TMEM223: variants seen among roughly 807,000 people sequenced by gnomAD.
The protein encoded by TMEM223 is transmembrane protein 223.
Under a neutral mutation model 14.1 loss-of-function variants are expected in TMEM223, and 14 were observed. The ratio of observed to expected loss-of-function variants is 0.99; its 90% CI spans 0.66 to 1.55. The LOEUF (loss-of-function observed/expected upper bound fraction) is 1.55. Ranked by LOEUF, TMEM223 falls within the 40% of genes most tolerant of loss-of-function variation. TMEM223 has a pLI of 0.00. For synonymous variants in TMEM223, 145 were observed against 120.5 expected, an observed-to-expected ratio of 1.20 and a Z score of -1.33; for missense variants, 346 against 269.9, an observed-to-expected ratio of 1.28 and a Z score of -1.97.
downstream of TMEM223, chr11:62,786,985 G>T: frequency 6.9e-7 from 1 of 1,456,498 alleles, no homozygotes; most frequent in South Asian, 1.4e-5. Flanking sequence ...CGCCGCCTCT[G>T]AGAGCAGGCC....
intron 1 of TMEM223, among the ~76,000 whole-genome samples, chr11:62,791,200 G>T (rs1050658331): frequency 2.6e-5 from 4 of 152,138 alleles, no homozygotes; most frequent in African/African-American, 9.7e-5. Flanking sequence ...GTCGCAGAGT[G>T]AAGGGCAGCC....
chr11:62,790,946 G>A, intron 1 of TMEM223, 31 bp from the exon 2 acceptor site: 4 of 1,505,420 alleles, frequency 2.7e-6, no homozygotes, highest in Non-Finnish European at 2.7e-6. Flanking sequence ...GGGGTGAGGG[G>A]TTTTCACTGG....
chr11:62,789,562 C>G (rs59316522), downstream of TMEM223: 2,260 of 1,551,492 alleles, frequency 1.5e-3, 29 homozygotes, highest in African/African-American at 0.028. Context: ...CGGATATAAA[C>G]TATCACGCTT....
chr11:62,790,023 T>TGGGTC lies in TMEM223; in HGVS notation c.*595_*599dup. 1 of 1,613,530 alleles carries TGGGTC rather than the reference T, an allele frequency of 6.2e-7. No individual in the cohort carries two copies. Among genetic ancestry groups the TGGGTC allele is most frequent in the Non-Finnish European group, 8.5e-7 (1 of 1,179,714 alleles). ...GGAGCTCTGAGACAGATGCTCTCGT[T>TGGGTC]GGGTCACGCCTTTCCCATTCCTGAA... On this transcript the variant is annotated 3_prime_UTR_variant, in exon 2 of 2. Coordinates refer to ENST00000307366, the MANE Select transcript of TMEM223 (RefSeq NM_001080501.3).
chr11:62,789,379 C>G (rs987295349), downstream of TMEM223: 1 of 1,613,960 alleles, frequency 6.2e-7, no homozygotes, highest in East Asian at 2.2e-5. Context: ...TTCGATTTGG[C>G]ACCAGGTCTC....
rs2084181751 is a variant in TMEM223, at chr11:62,775,698, A to G, written c.315-1033T>C. 1.4e-5 allele frequency: 20 copies of G among 1,474,688 alleles called. No homozygotes were observed. The South Asian group carries it at 1.7e-4, about 13-fold the overall frequency. 91.4% of individuals were successfully genotyped at this position (1,474,688 alleles called of 1,614,324 possible). On this transcript the variant is annotated intron_variant, in intron 1 of 2. Transcript: ENST00000528367. ...AGCACGAGCAGCAAGGCTGGTGTGG[A>G]GGGTGTTGGATCACACTCCTGGGCT... is the stretch of plus-strand genomic sequence containing the variant.
At chr11:62,782,121 T>A in intron 1 of TMEM223, 1 of 1,607,182 alleles carries the variant, frequency 6.2e-7, no homozygotes, top group African/African-American at 1.3e-5. Flanking sequence ...AGGTGAAATC[T>A]GTAAGCCATG....
At chr11:62,781,474 C>T (rs1184385936) in intron 1 of TMEM223, among the ~76,000 whole-genome samples, 1 of 151,758 alleles carries the variant, frequency 6.6e-6, no homozygotes, top group Non-Finnish European at 1.5e-5. Flanking sequence ...GAGATCGCGA[C>T]CATCCTGGCT....
chr11:62,790,672 G>C lies in TMEM223; in HGVS notation c.560C>G (p.Pro187Arg), dbSNP rs1479459449. 2 of 1,612,314 alleles carry C rather than the reference G, an allele frequency of 1.2e-6. No individual in the cohort carries two copies. The highest frequency in any genetic ancestry group is 1.3e-5 in the African/African-American group (1 of 74,908). Residue 187 changes from proline to arginine, a missense_variant, in exon 2 of 2, where the codon CCT (proline) becomes CGT (arginine). Pro to Arg is a moderately radical substitution (Grantham distance 103, BLOSUM62 -2). Transcript: ENST00000307366. ...AGTATTGTCAAAGAGTTTTGTGTTA[G>C]GGAAGTGTCCAGTTTTGTCCAAGAG... ...YFLLDKTGHF[P>R]NTKLFDNTVG...
Position 62,790,062 on chromosome 11 carries a change from G to A in TMEM223, c.*561C>T. ...CCCATTCCTGAAGAATAAGCGGAGT[G>A]CTTCCTGCAGCCGAAGACTCCATGC... is the stretch of plus-strand genomic sequence containing the variant. On this transcript the variant is annotated 3_prime_UTR_variant, in exon 2 of 2. Coordinates refer to ENST00000307366, the MANE Select transcript of TMEM223 (RefSeq NM_001080501.3). 6.3e-7 allele frequency: 1 copy of A among 1,593,014 alleles called. No homozygotes were observed. Among genetic ancestry groups the A allele is most frequent in the Non-Finnish European group, 8.6e-7 (1 of 1,168,656 alleles).
At chr11:62,786,443 A>G, downstream of TMEM223, 5 of 1,598,326 alleles carry the variant, frequency 3.1e-6, no homozygotes, top group Non-Finnish European at 4.3e-6. Flanking sequence ...GCAGCCAAGC[A>G]GGCTTACTTT....
chr11:62,787,238 C>G (rs1475439693), downstream of TMEM223: 4 of 1,567,274 alleles, frequency 2.6e-6, no homozygotes, highest in Admixed American at 1.8e-5. Context: ...ATCGGCCGTA[C>G]CAGCCGCCCC....
downstream of TMEM223, chr11:62,787,527 G>C (rs1590941495): frequency 6.4e-7 from 1 of 1,566,316 alleles, no homozygotes; most frequent in Non-Finnish European, 8.6e-7. Flanking sequence ...CTCGGACCCA[G>C]GTGCGGCTGC....
At chr11:62,779,977 T>TATATATATATAA (rs1491411798) in intron 1 of TMEM223, among the ~76,000 whole-genome samples, 1 of 40,126 alleles carries the variant, frequency 2.5e-5, no homozygotes, top group African/African-American at 8.7e-5. Flanking sequence ...TATATATATA[T>TATATATATATAA]TTTTTTTTTT....
At chr11:62,789,872 C>G (rs1268812314), downstream of TMEM223, 1 of 1,610,394 alleles carries the variant, frequency 6.2e-7, no homozygotes, top group Non-Finnish European at 8.5e-7. Context: ...CGATCCTGTC[C>G]CTGTCTCCTA....
chr11:62,776,022 T>G, intron 1 of TMEM223: 2 of 1,422,768 alleles, frequency 1.4e-6, no homozygotes, highest in Non-Finnish European at 1.9e-6. Flanking sequence ...AAGTGTACAC[T>G]GGGTGCCTGC....
chr11:62,780,051 A>G (rs542106177), intron 1 of TMEM223, among the ~76,000 whole-genome samples: 4 of 144,030 alleles, frequency 2.8e-5, no homozygotes, highest in African/African-American at 1.0e-4. Context: ...CCCTCAAGCA[A>G]TCCTTCCTTG....
downstream of TMEM223, chr11:62,786,290 T>G: frequency 6.2e-7 from 1 of 1,614,110 alleles, no homozygotes; most frequent in Non-Finnish European, 8.5e-7. Flanking sequence ...CCCACACCTG[T>G]CCACCTACTG....
At chr11:62,773,117 A>C (rs2084161869) in intron 2 of TMEM223, among the ~76,000 whole-genome samples, 1 of 151,422 alleles carries the variant, frequency 6.6e-6, no homozygotes, top group Non-Finnish European at 1.5e-5. Flanking sequence ...CTGGGATTAC[A>C]GGCGTGAGCC....
Sources: allele counts gnomAD v4.1 joint callset (sites outside exome capture counted in the v4.1 genomes callset), GRCh38; gene constraint gnomAD v4.1.1; transcripts MANE v1.5; gene names NCBI Gene and HGNC (gene_info 2026-07-23, HGNC 2026-07-21).